GRID2: variants seen among roughly 807,000 people sequenced by gnomAD.
GRID2 encodes glutamate ionotropic receptor delta type subunit 2, also known as glutamate receptor ionotropic, delta-2.
Under a neutral mutation model 114.8 loss-of-function variants are expected in GRID2, and 33 were observed. The observed-to-expected ratio is 0.29, with a 90% CI of 0.22 to 0.38. The LOEUF (loss-of-function observed/expected upper bound fraction) is 0.38. Ranked by LOEUF, GRID2 falls within the 10% of genes least tolerant of loss-of-function variation. The probability of loss-of-function intolerance (pLI) is 1.00; values close to 1 mark genes in which losing one functional copy is unlikely to be tolerated. For synonymous variants in GRID2, 505 were observed against 449.9 expected (o/e 1.12, Z -1.55); for missense variants, 1,184 against 1,257.7 (o/e 0.94, Z 0.89).
intron 2 of GRID2, among the ~76,000 whole-genome samples, chr4:92,881,141 G>C (rs1407149152): frequency 6.6e-6 from 1 of 152,168 alleles, no homozygotes. Flanking sequence ...GACCTCAGGT[G>C]ATCCGCCCAC....
intron 13 of GRID2, among the ~76,000 whole-genome samples, chr4:93,594,977 C>T (rs950893460): frequency 4.6e-4 from 70 of 152,290 alleles, no homozygotes; most frequent in Admixed American, 2.4e-3. Context: ...GAGATGAACC[C>T]GGTACCTCAG....
In GRID2 at chr4:92,834,419, C is replaced by G. The variant is rs140317505; in HGVS notation, c.244+244133C>G. Among the ~76,000 whole-genome samples, 9 of 152,168 alleles carry G rather than the reference C, an allele frequency of 5.9e-5. No homozygotes were observed. The East Asian group carries it at 1.7e-3, about 29-fold the overall frequency. ...GTGTTGTTGTCATTTGGCATTATAA[C>G]AGTGGAATATTGTCTATAGGTGATC... On this transcript the variant is annotated intron_variant, in intron 2 of 15. Transcript: ENST00000282020.
At chr4:93,731,296 G>A (rs138155214) in intron 14 of GRID2, among the ~76,000 whole-genome samples, 1 of 152,260 alleles carries the variant, frequency 6.6e-6, no homozygotes, top group African/African-American at 2.4e-5. Context: ...CAACTGAGTT[G>A]TTAGTGACCT....
intron 2 of GRID2, among the ~76,000 whole-genome samples, chr4:92,839,271 C>A (rs911668912): frequency 4.9e-5 from 7 of 142,690 alleles, no homozygotes; most frequent in African/African-American, 1.5e-4. Context: ...TGTAAGAGTT[C>A]TTTTTTTTTT....
At chr4:92,539,330 ATGG>A (rs762182266) in intron 1 of GRID2, among the ~76,000 whole-genome samples, 1 of 152,184 alleles carries the variant, frequency 6.6e-6, no homozygotes, top group Non-Finnish European at 1.5e-5. Flanking sequence ...TTACTATAAA[ATGG>A]TGGCCTTTTC....
At chr4:93,080,893 G>A (rs1212718530) in intron 2 of GRID2, among the ~76,000 whole-genome samples, 1 of 152,140 alleles carries the variant, frequency 6.6e-6, no homozygotes, top group Non-Finnish European at 1.5e-5. Context: ...CTTCTTGCTT[G>A]CTGTGTCATC....
intron 2 of GRID2, among the ~76,000 whole-genome samples, chr4:92,979,602 A>G (rs1016174953): frequency 1.3e-5 from 2 of 152,148 alleles, no homozygotes. Flanking sequence ...CCTTCGAACA[A>G]TGACATATCC....
intron 1 of GRID2, among the ~76,000 whole-genome samples, chr4:92,572,749 T>G (rs1158923788): frequency 6.6e-6 from 1 of 152,096 alleles, no homozygotes; most frequent in Non-Finnish European, 1.5e-5. Flanking sequence ...TATTTTCACA[T>G]AGATGTTCAC....
chr4:93,498,523 TAG>T (rs1222531452), intron 12 of GRID2, among the ~76,000 whole-genome samples: 1 of 151,942 alleles, frequency 6.6e-6, no homozygotes, highest in Non-Finnish European at 1.5e-5. Flanking sequence ...TACTAGGATA[TAG>T]AAATACAATT....
intron 6 of GRID2, 89 bp downstream of exon 6, chr4:93,217,000 T>C: frequency 1.2e-6 from 1 of 827,684 alleles, no homozygotes; most frequent in African/African-American, 1.7e-5. Flanking sequence ...GATTCAGAAT[T>C]ATACGTGTTA....
chr4:93,358,324 G>T (rs545165779), intron 8 of GRID2, among the ~76,000 whole-genome samples: 1 of 151,866 alleles, frequency 6.6e-6, no homozygotes, highest in South Asian at 2.1e-4. Context: ...AATGAGAATT[G>T]CTTCAGCATA....
intron 1 of GRID2, among the ~76,000 whole-genome samples, chr4:92,310,366 T>C (rs991605035): frequency 2.0e-5 from 3 of 152,166 alleles, no homozygotes; most frequent in African/African-American, 7.2e-5. Context: ...CAACACTAGT[T>C]TAACTGAATG....
chr4:92,919,992 T>C (rs1400994835), intron 2 of GRID2, among the ~76,000 whole-genome samples: 2 of 152,140 alleles, frequency 1.3e-5, no homozygotes, highest in African/African-American at 4.8e-5. Flanking sequence ...GTAAGTCTCT[T>C]TGTAGGTCCA....
At chr4:92,337,755 C>T (rs1421123684) in intron 1 of GRID2, among the ~76,000 whole-genome samples, 1 of 152,128 alleles carries the variant, frequency 6.6e-6, no homozygotes, top group Admixed American at 6.6e-5. Flanking sequence ...GATTAAATTG[C>T]CCAAGGAGAT....
rs533151197 is a variant in GRID2, at chr4:93,437,451, T to C, written c.1545+14483T>C. 1.0e-3 allele frequency among the ~76,000 whole-genome samples: 153 copies of C among 152,076 alleles called. 1 individual carries two copies. The highest frequency in any genetic ancestry group is 3.6e-3 in the African/African-American group (150 of 41,530). On this transcript the variant is annotated intron_variant, in intron 10 of 15. Coordinates refer to ENST00000282020, the MANE Select transcript of GRID2 (RefSeq NM_001510.4). Reference sequence around the variant, plus strand: ...TACATGTCAGTGAGAAAAACAATACTCAAACAGTTCAGAGCTGTTTTTTTT... The same window carrying C: ...TACATGTCAGTGAGAAAAACAATACCCAAACAGTTCAGAGCTGTTTTTTTT...
chr4:92,599,581 ATTTTC>A (rs1276458308), intron 2 of GRID2, among the ~76,000 whole-genome samples: 2 of 152,094 alleles, frequency 1.3e-5, no homozygotes, highest in Non-Finnish European at 2.9e-5. Flanking sequence ...ATATCATGTT[ATTTTC>A]TTAAGAATTT....
intron 2 of GRID2, among the ~76,000 whole-genome samples, chr4:92,628,492 G>A (rs369773964): frequency 6.6e-6 from 1 of 152,006 alleles, no homozygotes; most frequent in African/African-American, 2.4e-5. Context: ...CCGAGTAGCT[G>A]GGACTACAGG....
At chr4:93,060,553 C>T (rs886988223) in intron 2 of GRID2, among the ~76,000 whole-genome samples, 1 of 151,938 alleles carries the variant, frequency 6.6e-6, no homozygotes, top group Admixed American at 6.6e-5. Flanking sequence ...TTTATGTTAA[C>T]TTGATGATAA....
intron 2 of GRID2, among the ~76,000 whole-genome samples, chr4:92,611,104 ATATG>A (rs1560488096): frequency 2.2e-5 from 3 of 137,516 alleles, no homozygotes; most frequent in South Asian, 2.4e-4. Flanking sequence ...GTGTGTGTGT[ATATG>A]TGTGTGTATG....
Sources: allele counts gnomAD v4.1 joint callset (sites outside exome capture counted in the v4.1 genomes callset), GRCh38; gene constraint gnomAD v4.1.1; transcripts MANE v1.5; gene names NCBI Gene and HGNC (gene_info 2026-07-23, HGNC 2026-07-21).